SGCD: variants seen among roughly 807,000 people sequenced by gnomAD.
The protein encoded by SGCD is sarcoglycan delta.
In SGCD, 18 loss-of-function variants were observed where a neutral mutation model predicts 36.6. The observed-to-expected ratio is 0.49, with a 90% CI of 0.34 to 0.73. The LOEUF is 0.73. Ranked by LOEUF, SGCD falls within the 30% of genes least tolerant of loss-of-function variation. SGCD has a pLI of 0.01. For missense variants in SGCD, 387 were observed against 346.7 expected (o/e 1.12, Z -0.92); for synonymous variants, 133 against 130.6 (o/e 1.02, Z -0.12).
chr5:156,585,101 C>A (rs1181337537), intron 4 of SGCD, among the ~76,000 whole-genome samples: 1 of 152,116 alleles, frequency 6.6e-6, no homozygotes, highest in Admixed American at 6.5e-5. Flanking sequence ...CAAATTTGGG[C>A]ACAGTGCAGA....
chr5:155,935,396 T>C (rs1033451557), intron 1 of SGCD, among the ~76,000 whole-genome samples: 2 of 152,130 alleles, frequency 1.3e-5, no homozygotes, highest in Admixed American at 1.3e-4. Flanking sequence ...ATAGGAGAGG[T>C]CACTGCCCTC....
chr5:156,694,750 T>A (rs1390800020), intron 7 of SGCD, among the ~76,000 whole-genome samples: 1 of 152,180 alleles, frequency 6.6e-6, no homozygotes, highest in Non-Finnish European at 1.5e-5. Flanking sequence ...AAGATTGATA[T>A]GATACATTTT....
chr5:156,650,542 C>T (rs559091948), intron 7 of SGCD, among the ~76,000 whole-genome samples: 1 of 152,228 alleles, frequency 6.6e-6, no homozygotes, highest in South Asian at 2.1e-4. Flanking sequence ...TCTTCATATT[C>T]ATGTGTATCC....
At chr5:156,487,281 A>G (rs1049614848) in intron 3 of SGCD, among the ~76,000 whole-genome samples, 3 of 152,220 alleles carry the variant, frequency 2.0e-5, no homozygotes, top group Admixed American at 6.5e-5. Context: ...TAGAGATCAC[A>G]CTACTGCACC....
At chr5:156,433,498 C>A (rs1217525733) in intron 3 of SGCD, among the ~76,000 whole-genome samples, 1 of 152,172 alleles carries the variant, frequency 6.6e-6, no homozygotes, top group African/African-American at 2.4e-5. Context: ...GGTTGGTGAG[C>A]ATTAGCAAGC....
At chr5:155,817,279 T>G in the SGCD span, among the ~76,000 whole-genome samples, 2 of 152,044 alleles carry the variant, frequency 1.3e-5, no homozygotes, top group Non-Finnish European at 2.9e-5. Flanking sequence ...GAGTACAAAT[T>G]CACAAAAATA....
At chr5:155,734,687 G>T in the SGCD span, among the ~76,000 whole-genome samples, 12 of 152,336 alleles carry the variant, frequency 7.9e-5, no homozygotes, top group South Asian at 2.5e-3. Context: ...TTGAAGAGAA[G>T]AGTGGGAATC....
intron 3 of SGCD, among the ~76,000 whole-genome samples, chr5:156,437,010 G>T (rs1172790864): frequency 6.6e-6 from 1 of 152,052 alleles, no homozygotes; most frequent in African/African-American, 2.4e-5. Context: ...CAAATCCTCT[G>T]TGTCCCATAT....
intron 1 of SGCD, among the ~76,000 whole-genome samples, chr5:156,077,736 T>C (rs1760826900): frequency 6.6e-6 from 1 of 152,198 alleles, no homozygotes; most frequent in Admixed American, 6.5e-5. Context: ...CTCTCCTTTC[T>C]AAGAACTTAT....
At chr5:156,378,438 T>C in intron 3 of SGCD, among the ~76,000 whole-genome samples, 1 of 152,178 alleles carries the variant, frequency 6.6e-6, no homozygotes, top group East Asian at 1.9e-4. Context: ...GTGTGAATGT[T>C]CTTAATACTA....
chr5:155,900,124 T>A (rs2113335754), intron 1 of SGCD, among the ~76,000 whole-genome samples: 1 of 152,348 alleles, frequency 6.6e-6, no homozygotes, highest in East Asian at 1.9e-4. Context: ...TATGCCATGA[T>A]AATGATTATA....
At chr5:156,126,690 T>C (rs1187720981) in intron 3 of SGCD, among the ~76,000 whole-genome samples, 3 of 152,210 alleles carry the variant, frequency 2.0e-5, no homozygotes, top group Non-Finnish European at 4.4e-5. Flanking sequence ...TTTTCAGATG[T>C]CTTTTCAAGT....
chr5:155,728,292 C>T, the SGCD span, among the ~76,000 whole-genome samples: 25 of 152,240 alleles, frequency 1.6e-4, no homozygotes, highest in Non-Finnish European at 3.4e-4. Flanking sequence ...CCGCTGCTGC[C>T]GCTGCCGGAG....
chr5:156,597,009 T>C (rs2113397084), intron 6 of SGCD, among the ~76,000 whole-genome samples: 1 of 152,276 alleles, frequency 6.6e-6, no homozygotes, highest in Admixed American at 6.5e-5. Context: ...CTTATGGGGC[T>C]TAATGGAGGC....
the SGCD span, among the ~76,000 whole-genome samples, chr5:155,759,604 C>T: frequency 4.0e-4 from 61 of 152,288 alleles, no homozygotes; most frequent in South Asian, 7.5e-3. Flanking sequence ...TGGGCAAGGA[C>T]GCACCAACTT....
intron 1 of SGCD, among the ~76,000 whole-genome samples, chr5:155,890,870 G>C (rs1756112765): frequency 6.6e-6 from 1 of 152,174 alleles, no homozygotes; most frequent in East Asian, 1.9e-4. Context: ...GTGGTGGTGG[G>C]AGAATAAGAG....
chr5:155,822,971 C>T, the SGCD span, among the ~76,000 whole-genome samples: 1 of 151,808 alleles, frequency 6.6e-6, no homozygotes, highest in East Asian at 1.9e-4. Flanking sequence ...GACAAAGAAC[C>T]AATACAGGAT....
intron 7 of SGCD, among the ~76,000 whole-genome samples, chr5:156,677,470 A>G (rs1581383773): frequency 6.6e-6 from 1 of 152,178 alleles, no homozygotes; most frequent in African/African-American, 2.4e-5. Flanking sequence ...GTTCTCACTC[A>G]TAGGTGGGAA....
At chr5:155,831,463 A>G in the SGCD span, among the ~76,000 whole-genome samples, 1 of 152,230 alleles carries the variant, frequency 6.6e-6, no homozygotes, top group South Asian at 2.1e-4. Context: ...TCAGATTTTT[A>G]GGAGAAAACA....
Sources: gnomAD v4.1 joint callset for allele counts (sites outside exome capture counted in the v4.1 genomes callset) on GRCh38, gnomAD v4.1.1 for gene constraint, MANE v1.5 for transcripts, NCBI Gene and HGNC (gene_info 2026-07-23, HGNC 2026-07-21) for gene names.